IGFL2: variants seen among roughly 807,000 people sequenced by gnomAD.
IGFL2 encodes IGF like family member 2, also known as insulin growth factor-like family member 2.
A neutral mutation model predicts 13.9 loss-of-function variants in IGFL2; 7 were observed. The observed-to-expected ratio is 0.51, with a 90% CI of 0.29 to 0.95. The LOEUF (loss-of-function observed/expected upper bound fraction) is 0.95, where lower values mean the gene tolerates loss of function less well. IGFL2 is among the 40% of genes least tolerant of loss of function. The pLI is 0.08. For synonymous variants in IGFL2, 55 were observed against 55.8 expected, an observed-to-expected ratio of 0.99 and a Z score of 0.07; for missense variants, 138 against 147.8, an observed-to-expected ratio of 0.93 and a Z score of 0.34.
the IGFL2 span, among the ~76,000 whole-genome samples, chr19:46,191,415 G>A: frequency 2.0e-5 from 3 of 152,188 alleles, no homozygotes; most frequent in African/African-American, 7.2e-5. Context: ...CCTGAGCTGG[G>A]CTAAAGAGAA....
At chr19:46,178,074 C>T in the IGFL2 span, among the ~76,000 whole-genome samples, 157 of 152,052 alleles carry the variant, frequency 1.0e-3, 1 homozygote, top group African/African-American at 3.4e-3. Flanking sequence ...GTCAGGAGTT[C>T]GAGACCAGCC....
the IGFL2 span, chr19:46,208,798 A>C: frequency 6.6e-6 from 1 of 152,122 alleles, no homozygotes; most frequent in South Asian, 2.1e-4. Flanking sequence ...ATGATTGTAC[A>C]TTTCCTGAGG....
At chr19:46,176,108 C>T in the IGFL2 span, among the ~76,000 whole-genome samples, 1 of 145,984 alleles carries the variant, frequency 6.9e-6, no homozygotes, top group African/African-American at 2.5e-5. Flanking sequence ...CCGCCTCGGC[C>T]TCCTAAAGTC....
At chr19:46,136,977 T>C in the IGFL2 span, 3 of 1,493,642 alleles carry the variant, frequency 2.0e-6, no homozygotes, top group African/African-American at 4.1e-5. Context: ...ATCTGTGTTT[T>C]GTCCCACACC....
the IGFL2 span, among the ~76,000 whole-genome samples, chr19:46,195,507 GTT>G: frequency 1.1e-4 from 17 of 152,262 alleles, no homozygotes; most frequent in Non-Finnish European, 2.4e-4. Flanking sequence ...TATGAAAAAT[GTT>G]GTAATCCTGA....
chr19:46,102,987 G>A, the IGFL2 span, among the ~76,000 whole-genome samples: 2 of 152,292 alleles, frequency 1.3e-5, no homozygotes, highest in Non-Finnish European at 2.9e-5. Flanking sequence ...ATATAGAATG[G>A]TGATGGCCTG....
chr19:46,113,373 A>G, the IGFL2 span: 1 of 360,684 alleles, frequency 2.8e-6, no homozygotes, highest in East Asian at 9.0e-5. Context: ...CAAAGCACTA[A>G]TAAAAACAGG....
chr19:46,161,554 A>G (rs1974174405), downstream of IGFL2, among the ~76,000 whole-genome samples: 3 of 152,086 alleles, frequency 2.0e-5, no homozygotes, highest in South Asian at 6.2e-4. Context: ...CTTCTTGTTG[A>G]ATTGAACCCT....
At chr19:46,190,191 G>A in the IGFL2 span, 1 of 152,368 alleles carries the variant, frequency 6.6e-6, no homozygotes, top group South Asian at 2.1e-4. Flanking sequence ...ATCTGGGCCA[G>A]GCTCAGTTGA....
rs1055113057 is a variant in IGFL2 at position 46,160,887 on chromosome 19, G to C, written c.341+6G>C. On this transcript the variant is annotated splice_donor_region_variant and intron_variant, in intron 3 of 3. Coordinates refer to ENST00000377693, the MANE Select transcript of IGFL2 (RefSeq NM_001135113.2). ...ATCTCCAGTAAATGTGAAAGGTAGG[G>C]ACCCCGTCCCTGGCCAGGGGGTCGG... The C allele has an allele frequency of 3.7e-6, 6 of 1,612,686 alleles. No homozygotes were observed. The Admixed American group carries it at 6.7e-5, about 18-fold the overall frequency.
At chr19:46,214,275 G>T in the IGFL2 span, 3 of 152,210 alleles carry the variant, frequency 2.0e-5, no homozygotes, top group Admixed American at 6.5e-5. Flanking sequence ...CAAATGCCAC[G>T]CATGCACACA....
At chr19:46,201,546 C>T in the IGFL2 span, among the ~76,000 whole-genome samples, 2 of 152,232 alleles carry the variant, frequency 1.3e-5, no homozygotes, top group African/African-American at 4.8e-5. Flanking sequence ...CCAGCCCTGA[C>T]TCTCTGAGTC....
chr19:46,123,148 G>T, the IGFL2 span, among the ~76,000 whole-genome samples: 2 of 150,456 alleles, frequency 1.3e-5, no homozygotes, highest in African/African-American at 4.9e-5. Context: ...TTAATTTTAT[G>T]AACTTAAAGC....
the IGFL2 span, among the ~76,000 whole-genome samples, chr19:46,080,300 A>G: frequency 0.013 from 2,048 of 152,310 alleles, 32 homozygotes; most frequent in Middle Eastern, 0.027. Context: ...TTGGGAGGCC[A>G]AGATGGGAGA....
the IGFL2 span, among the ~76,000 whole-genome samples, chr19:46,170,112 A>T: frequency 3.9e-5 from 6 of 152,160 alleles, no homozygotes; most frequent in African/African-American, 1.4e-4. Context: ...GAAAAATAAA[A>T]TAGGGATAGC....
At chr19:46,187,204 A>G in the IGFL2 span, among the ~76,000 whole-genome samples, 1 of 151,374 alleles carries the variant, frequency 6.6e-6, no homozygotes, top group Non-Finnish European at 1.5e-5. Flanking sequence ...GTGCTACCTG[A>G]TCAGAGATGG....
the IGFL2 span, among the ~76,000 whole-genome samples, chr19:46,086,539 A>G: frequency 6.6e-6 from 1 of 152,132 alleles, no homozygotes; most frequent in Non-Finnish European, 1.5e-5. Flanking sequence ...GGCCAGGCTC[A>G]TCTCAAGCTC....
chr19:46,121,072 T>G, the IGFL2 span, among the ~76,000 whole-genome samples: 2 of 150,570 alleles, frequency 1.3e-5, no homozygotes, highest in African/African-American at 4.9e-5. Context: ...TGTACATTTT[T>G]CAGCGCTTAG....
the IGFL2 span, among the ~76,000 whole-genome samples, chr19:46,133,512 C>T: frequency 6.6e-6 from 1 of 152,184 alleles, no homozygotes; most frequent in Non-Finnish European, 1.5e-5. Flanking sequence ...TTGTGGAATG[C>T]TGAGAGAGGC....
Sources: gnomAD v4.1 joint callset for allele counts (sites outside exome capture counted in the v4.1 genomes callset) on GRCh38, gnomAD v4.1.1 for gene constraint, MANE v1.5 for transcripts, NCBI Gene and HGNC (gene_info 2026-07-23, HGNC 2026-07-21) for gene names.